Variants in BICC1 observed in about 807,000 individuals in gnomAD.
BICC1 encodes BicC family RNA binding protein 1, also known as protein bicaudal C homolog 1.
A neutral mutation model predicts 111.0 loss-of-function variants in BICC1; 43 were observed. The observed-to-expected ratio is 0.39, with a 90% confidence interval of 0.30 to 0.50. The LOEUF is 0.50. Ranked by LOEUF, BICC1 falls within the 20% of genes least tolerant of loss-of-function variation. BICC1 has a pLI of 0.88. For missense variants in BICC1, 1,091 were observed against 1,203.2 expected (o/e 0.91, Z 1.38); for synonymous variants, 467 against 434.4 (o/e 1.07, Z -0.93).
intron 3 of BICC1, among the ~76,000 whole-genome samples, chr10:58,755,822 T>G (rs1215255267): frequency 6.6e-6 from 1 of 152,134 alleles, no homozygotes; most frequent in Non-Finnish European, 1.5e-5. Context: ...TTCTCTGCAT[T>G]GGCCACACCT....
intron 1 of BICC1, among the ~76,000 whole-genome samples, chr10:58,566,856 G>A (rs149537065): frequency 5.9e-5 from 9 of 152,166 alleles, no homozygotes; most frequent in African/African-American, 2.2e-4. Context: ...TGTTATTCAC[G>A]ATTTCAGCAA....
chr10:58,680,023 T>TA (rs1276253459), intron 2 of BICC1, among the ~76,000 whole-genome samples: 1 of 152,196 alleles, frequency 6.6e-6, no homozygotes, highest in Non-Finnish European at 1.5e-5. Context: ...AAACTAGGTA[T>TA]AGATGGAACG....
At chr10:58,607,318 A>AAATAAATAAATAAATAAATAAATAAATT (rs1360802382) in intron 1 of BICC1, among the ~76,000 whole-genome samples, 43 of 47,468 alleles carry the variant, frequency 9.1e-4, no homozygotes, top group Non-Finnish European at 1.4e-3. Context: ...CTCTGTCTCA[A>AAATAAATAAATAAATAAATAAATAAATT]AATAAATAAA....
At chr10:58,612,742 A>T (rs1845472986) in intron 1 of BICC1, among the ~76,000 whole-genome samples, 1 of 152,264 alleles carries the variant, frequency 6.6e-6, no homozygotes, top group Non-Finnish European at 1.5e-5. Flanking sequence ...TTATCAAGGT[A>T]ATGTTTAAAG....
At chr10:58,569,168 G>A (rs1006290182) in intron 1 of BICC1, among the ~76,000 whole-genome samples, 1 of 152,136 alleles carries the variant, frequency 6.6e-6, no homozygotes, top group Non-Finnish European at 1.5e-5. Flanking sequence ...GGAGAAAACA[G>A]CACTTCAAGT....
chr10:58,723,879 A>G (rs982352088), intron 3 of BICC1, among the ~76,000 whole-genome samples: 2 of 152,220 alleles, frequency 1.3e-5, no homozygotes, highest in African/African-American at 2.4e-5. Context: ...TACTCTCACA[A>G]TTTGGCAATT....
chr10:58,637,867 G>T (rs1486114946), intron 2 of BICC1, among the ~76,000 whole-genome samples: 1 of 152,148 alleles, frequency 6.6e-6, no homozygotes, highest in Non-Finnish European at 1.5e-5. Flanking sequence ...AGGGGATCTA[G>T]TAACTAAGCA....
intron 1 of BICC1, among the ~76,000 whole-genome samples, chr10:58,588,806 A>G (rs1159955362): frequency 6.6e-6 from 1 of 152,208 alleles, no homozygotes; most frequent in East Asian, 1.9e-4. Flanking sequence ...CACTGCGTGA[A>G]GGAGCACATT....
intron 3 of BICC1, among the ~76,000 whole-genome samples, chr10:58,734,526 C>A (rs1255538080): frequency 6.6e-6 from 1 of 152,122 alleles, no homozygotes; most frequent in African/African-American, 2.4e-5. Flanking sequence ...TGTGGGGAAT[C>A]TTGAACATTT....
At chr10:58,809,912 G>T (rs777221209) in intron 17 of BICC1, among the ~76,000 whole-genome samples, 5 of 152,188 alleles carry the variant, frequency 3.3e-5, no homozygotes, top group African/African-American at 9.7e-5. Context: ...CCATAGCAAA[G>T]GGTGGTATGT....
chr10:58,520,991 A>G (rs1432934614), intron 1 of BICC1, among the ~76,000 whole-genome samples: 1 of 152,082 alleles, frequency 6.6e-6, no homozygotes, highest in East Asian at 1.9e-4. Flanking sequence ...CTGTGACTTA[A>G]ATTCTACACT....
intron 2 of BICC1, among the ~76,000 whole-genome samples, chr10:58,652,156 T>C (rs2132253961): frequency 6.6e-6 from 1 of 152,296 alleles, no homozygotes; most frequent in South Asian, 2.1e-4. Context: ...GGTCATTTCA[T>C]CTATAACATG....
chr10:58,703,868 G>A (rs1329516918), intron 3 of BICC1, among the ~76,000 whole-genome samples: 1 of 152,118 alleles, frequency 6.6e-6, no homozygotes, highest in Non-Finnish European at 1.5e-5. Flanking sequence ...AATCCCCAAG[G>A]AAACATGAAC....
intron 2 of BICC1, among the ~76,000 whole-genome samples, chr10:58,629,719 T>G (rs1225005331): frequency 6.6e-6 from 1 of 152,214 alleles, no homozygotes; most frequent in East Asian, 1.9e-4. Flanking sequence ...TAATGATTTG[T>G]TGTCATCTCA....
chr10:58,810,758 G>A (rs1399183602), intron 17 of BICC1, among the ~76,000 whole-genome samples: 2 of 152,066 alleles, frequency 1.3e-5, no homozygotes, highest in Admixed American at 6.6e-5. Flanking sequence ...TATGCTTATG[G>A]CACTAATATT....
intron 1 of BICC1, among the ~76,000 whole-genome samples, chr10:58,574,477 T>C (rs1564493867): frequency 6.6e-6 from 1 of 151,014 alleles, no homozygotes; most frequent in South Asian, 2.1e-4. Context: ...CATGTATTGA[T>C]ATGTTAAAGT....
rs377504080 is a variant in BICC1, at chr10:58,680,212, A to C, written c.238-21862A>C. Among the ~76,000 whole-genome samples, 10 of 152,316 alleles carry C rather than the reference A, an allele frequency of 6.6e-5. No homozygotes were observed. The East Asian group carries it at 1.5e-3, about 23-fold the overall frequency. On this transcript the variant is annotated intron_variant, in intron 2 of 20. Coordinates refer to ENST00000373886, the MANE Select transcript of BICC1 (RefSeq NM_001080512.3). ...AAGAGAAAGAAATAACAGGCATTCA[A>C]ATAGGAAGAGAGGAAGTCACGTTAT...
At chr10:58,794,165 T>TTGTGTGTGTGTGTG (rs71006206) in intron 9 of BICC1, among the ~76,000 whole-genome samples, 10 of 138,296 alleles carry the variant, frequency 7.2e-5, no homozygotes, top group African/African-American at 2.4e-4. Flanking sequence ...CTTACATGTT[T>TTGTGTGTGTGTGTG]TGTGTGTGTG....
intron 6 of BICC1, 58 bp from the exon 7 acceptor site, chr10:58,789,204 A>G (rs764055240): frequency 7.9e-6 from 11 of 1,398,032 alleles, no homozygotes; most frequent in South Asian, 1.3e-5. Context: ...AATGATACAC[A>G]TGTCTGAATG....
Sources: allele counts gnomAD v4.1 joint callset (sites outside exome capture counted in the v4.1 genomes callset), GRCh38; gene constraint gnomAD v4.1.1; transcripts MANE v1.5; gene names NCBI Gene and HGNC (gene_info 2026-07-23, HGNC 2026-07-21).